The following TPCN2 variants were observed in gnomAD, a reference collection of about 807,000 sequenced individuals.
The protein encoded by TPCN2 is two pore channel protein 2.
Under a neutral mutation model 111.4 loss-of-function variants are expected in TPCN2, and 92 were observed. The ratio of observed to expected loss-of-function variants is 0.83; its 90% CI spans 0.70 to 0.98. TPCN2 has a LOEUF of 0.98. Ranked by LOEUF, TPCN2 falls within the 50% of genes least tolerant of loss-of-function variation. The pLI is 0.00. For missense variants in TPCN2, 995 were observed against 980.1 expected, an observed-to-expected ratio of 1.02 and a Z score of -0.20; for synonymous variants, 405 against 414.5, an observed-to-expected ratio of 0.98 and a Z score of 0.28.
intron 5 of TPCN2, 122 bp from the exon 6 acceptor site, chr11:69,062,757 GGGCTC>G (rs1855078666): frequency 1.2e-6 from 1 of 821,658 alleles, no homozygotes; most frequent in Non-Finnish European, 2.0e-6. Context: ...CCTCCACTTT[GGGCTC>G]AGTGACTCTG....
chr11:69,056,339 G>T (rs996601796), intron 4 of TPCN2, among the ~76,000 whole-genome samples: 5 of 152,194 alleles, frequency 3.3e-5, no homozygotes, highest in African/African-American at 1.2e-4. Flanking sequence ...GTGATTGCAG[G>T]CCCCGGGCAG....
intron 1 of TPCN2, 43 bp from the exon 2 acceptor site, chr11:69,053,990 T>C: frequency 6.4e-7 from 1 of 1,562,986 alleles, no homozygotes; most frequent in Non-Finnish European, 8.8e-7. Context: ...GGTGAGGCCA[T>C]GTCATCCTGC....
chr11:69,078,698 G>A, intron 14 of TPCN2, 36 bp from the exon 15 acceptor site: 1 of 1,613,598 alleles, frequency 6.2e-7, no homozygotes, highest in Non-Finnish European at 8.5e-7. Flanking sequence ...GCGCTGTGCT[G>A]GGCCAGCCGG....
intron 7 of TPCN2, among the ~76,000 whole-genome samples, chr11:69,064,752 C>T (rs536039232): frequency 9.2e-5 from 14 of 152,316 alleles, no homozygotes; most frequent in African/African-American, 3.4e-4. Flanking sequence ...GGCTGAAGCC[C>T]GCGTTCTCAC....
At chr11:69,082,272 A>T (rs888690813) in intron 18 of TPCN2, among the ~76,000 whole-genome samples, 2 of 152,248 alleles carry the variant, frequency 1.3e-5, no homozygotes, top group African/African-American at 4.8e-5. Flanking sequence ...TATACAATAC[A>T]GCCAAGCACA....
chr11:69,062,969 G>C lies in TPCN2; in HGVS notation c.632G>C (p.Trp211Ser). The change falls in exon 6 of 25, where the codon TGG (tryptophan) becomes TCG (serine). Residue 211 changes from tryptophan (W) to serine (S), a missense_variant. Coordinates refer to ENST00000294309, the MANE Select transcript of TPCN2 (RefSeq NM_139075.4). ...AAGAAGACCTTGAAATGCATCCGCTGGTCGCTGCCGGAAATGGCCAGGTGG... is the reference window on the plus strand; with the variant it reads ...AAGAAGACCTTGAAATGCATCCGCTCGTCGCTGCCGGAAATGGCCAGGTGG... ...MMKKTLKCIR[W>S]SLPEMASVGL... 1 of 1,613,942 alleles carries C rather than the reference G, an allele frequency of 6.2e-7. No homozygotes were observed. The highest frequency in any genetic ancestry group is 8.5e-7 in the Non-Finnish European group (1 of 1,179,850).
chr11:69,062,614 G>C (rs1212054696), intron 5 of TPCN2, among the ~76,000 whole-genome samples: 1 of 152,154 alleles, frequency 6.6e-6, no homozygotes, highest in Non-Finnish European at 1.5e-5. Context: ...GACAGGGACA[G>C]GTGTTAGGAT....
At chr11:69,053,120 C>T (rs1861305387) in intron 1 of TPCN2, among the ~76,000 whole-genome samples, 1 of 152,226 alleles carries the variant, frequency 6.6e-6, no homozygotes. Flanking sequence ...TGTGAGCAGG[C>T]CAGGGTGCTG....
chr11:69,085,336 T>TGGGGGGG, intron 20 of TPCN2, 50 bp downstream of exon 20: 1 of 538,410 alleles, frequency 1.9e-6, no homozygotes, highest in Non-Finnish European at 3.7e-6. Flanking sequence ...GGTGCTGGGG[T>TGGGGGGG]GGGCGGGAAG....
chr11:69,075,379 C>T (rs182387217), intron 13 of TPCN2, among the ~76,000 whole-genome samples: 1 of 152,282 alleles, frequency 6.6e-6, no homozygotes, highest in African/African-American at 2.4e-5. Context: ...CACATCCTTC[C>T]GTATACTTTA....
chr11:69,076,983 C>G (rs1211745547), intron 13 of TPCN2, among the ~76,000 whole-genome samples: 3 of 101,402 alleles, frequency 3.0e-5, no homozygotes, highest in Admixed American at 9.4e-5. Flanking sequence ...TGCCATGTCC[C>G]TCCACCTGCC....
At chr11:69,065,466 G>C (rs1018106011) in intron 7 of TPCN2, among the ~76,000 whole-genome samples, 1 of 152,210 alleles carries the variant, frequency 6.6e-6, no homozygotes. Flanking sequence ...AGGGGAGCAA[G>C]GTGTACCTTG....
chr11:69,079,409 C>G (rs1026771966), intron 16 of TPCN2: 17 of 287,502 alleles, frequency 5.9e-5, no homozygotes, highest in African/African-American at 3.7e-4. Context: ...CCAGGGTGTT[C>G]TTGGGAAATG....
rs1250458606 is a variant in TPCN2 at position 69,089,380 on chromosome 11, A to G, written c.*1427A>G. The G allele has an allele frequency of 1.3e-5, 2 of 152,198 alleles. No individual in the cohort carries two copies. Among genetic ancestry groups the G allele is most frequent in the African/African-American group, 4.8e-5 (2 of 41,440 alleles). 9.4% of individuals were successfully genotyped at this position (152,198 alleles called of 1,614,324 possible). A position where few individuals can be genotyped will look rare whatever the true frequency, so the allele number is the denominator to read the frequency against. ...GGCCCTGCACCCTCTGTGCTTTGGGACGGCGTCCAACCCGCATTCATGTCA... is the reference window on the plus strand; with the variant it reads ...GGCCCTGCACCCTCTGTGCTTTGGGGCGGCGTCCAACCCGCATTCATGTCA... On this transcript the variant is annotated 3_prime_UTR_variant, in exon 25 of 25. Coordinates refer to ENST00000294309, the MANE Select transcript of TPCN2 (RefSeq NM_139075.4).
chr11:69,062,797 C>G, intron 5 of TPCN2, 87 bp from the exon 6 acceptor site: 1 of 1,300,712 alleles, frequency 7.7e-7, no homozygotes, highest in East Asian at 2.3e-5. Context: ...GCACTGGGGT[C>G]TCTGAACCGT....
rs563051941 is a variant in TPCN2 at position 69,063,073 on chromosome 11, C to T, written c.653+83C>T. On this transcript the variant is annotated intron_variant, in intron 6 of 24. Coordinates refer to ENST00000294309, the MANE Select transcript of TPCN2 (RefSeq NM_139075.4). ...CCACGTGGTTGCGGGTGGGGCCCAC[C>T]GGAGTCTCATCTTGGACTGCGTGCT... 7.9e-5 allele frequency: 98 copies of T among 1,247,648 alleles called. 1 individual carries two copies. The highest frequency in any genetic ancestry group is 7.5e-4 in the East Asian group (32 of 42,852). 77.3% of individuals were successfully genotyped at this position (1,247,648 alleles called of 1,614,324 possible). A position where few individuals can be genotyped will look rare whatever the true frequency, so the allele number is the denominator to read the frequency against.
At chr11:69,076,881 TTGCCCTCC>T (rs1855789490) in intron 13 of TPCN2, among the ~76,000 whole-genome samples, 2 of 77,018 alleles carry the variant, frequency 2.6e-5, no homozygotes, top group Non-Finnish European at 4.7e-5. Context: ...GTCCCTCCAC[TTGCCCTCC>T]TGCCCTCCTG....
rs117323652 is a variant in TPCN2 at position 69,060,856 on chromosome 11, T to C, written c.547-2028T>C. Among the ~76,000 whole-genome samples, 121 of 152,310 alleles carry C rather than the reference T, an allele frequency of 7.9e-4. No individual in the cohort carries two copies. The East Asian group carries it at 0.023, about 28-fold the overall frequency. ...ACCAGAGTTTCCAACCAGTGGGCAA[T>C]GAATGGGTTCCGGGTGAGCTGGGCG... On this transcript the variant is annotated intron_variant, in intron 5 of 24. Transcript: ENST00000294309.
chr11:69,078,596 A>G lies in TPCN2; in HGVS notation c.1345A>G (p.Ile449Val), dbSNP rs1228857353. Reference sequence around the variant, plus strand: ...CATCGCCCTGGCAAACCTGGTGTCCATTTGCGTGAGTGTGGATTTGCCCCA... The same window carrying G: ...CATCGCCCTGGCAAACCTGGTGTCCGTTTGCGTGAGTGTGGATTTGCCCCA... Reference protein sequence around the residue: ...NLIALANLVSICVFLVLDADV... With the variant: ...NLIALANLVSVCVFLVLDADV... The change falls in exon 14 of 25, where the codon ATT (isoleucine) becomes GTT (valine). Residue 449 changes from isoleucine (I) to valine (V), a missense_variant. Ile to Val is a conservative substitution (Grantham distance 29, BLOSUM62 3). Transcript: ENST00000294309. The G allele has an allele frequency of 6.8e-6, 11 of 1,613,930 alleles. No homozygotes were observed. The highest frequency in any genetic ancestry group is 7.6e-6 in the Non-Finnish European group (9 of 1,180,018).
Sources: allele counts gnomAD v4.1 joint callset (sites outside exome capture counted in the v4.1 genomes callset), GRCh38; gene constraint gnomAD v4.1.1; transcripts MANE v1.5; gene names NCBI Gene and HGNC (gene_info 2026-07-23, HGNC 2026-07-21).